Variants in C1orf21 observed in about 807,000 individuals in gnomAD.
The protein encoded by C1orf21 is uncharacterized protein C1orf21.
A neutral mutation model predicts 18.7 loss-of-function variants in C1orf21; 3 were observed. That is an observed-to-expected ratio of 0.16 (90% CI 0.07 to 0.42). The LOEUF (loss-of-function observed/expected upper bound fraction) is 0.42. Among genes scored for constraint, C1orf21 ranks in the 10% least tolerant of loss-of-function variants. C1orf21 has a pLI of 0.99. For missense variants in C1orf21, 104 were observed against 143.6 expected (o/e 0.72, Z 1.41); for synonymous variants, 41 against 46.4 (o/e 0.88, Z 0.47).
intron 1 of C1orf21, among the ~76,000 whole-genome samples, chr1:184,427,482 A>G (rs530505670): frequency 1.3e-5 from 2 of 152,168 alleles, no homozygotes; most frequent in South Asian, 4.2e-4. Flanking sequence ...TTTCAGGACC[A>G]GTGAGACAGT....
chr1:184,553,777 A>G lies in C1orf21; in HGVS notation c.190-36962A>G, dbSNP rs1011085565. Among the ~76,000 whole-genome samples the G allele has an allele frequency of 7.2e-5, 11 of 152,310 alleles. No homozygotes were observed. In the South Asian group the frequency reaches 1.5e-3, roughly 20 times the overall value. ...CCCCTCTACCAGAAGGTCTACCCCAATGGCAGAGTAGAAGAGAAAAGATCT... is the reference window on the plus strand; with the variant it reads ...CCCCTCTACCAGAAGGTCTACCCCAGTGGCAGAGTAGAAGAGAAAAGATCT... On this transcript the variant is annotated intron_variant, in intron 3 of 5. Transcript: ENST00000235307.
intron 5 of C1orf21, among the ~76,000 whole-genome samples, chr1:184,606,179 G>GA (rs1308149180): frequency 1.3e-5 from 2 of 152,210 alleles, no homozygotes; most frequent in Non-Finnish European, 2.9e-5. Flanking sequence ...TGAGTCAGTG[G>GA]CATGGATACA....
chr1:184,514,220 G>A (rs1309809203), intron 3 of C1orf21, among the ~76,000 whole-genome samples: 6 of 152,174 alleles, frequency 3.9e-5, no homozygotes, highest in Non-Finnish European at 5.9e-5. Flanking sequence ...CAGGAGGATC[G>A]CTTGAGCCCA....
At chr1:184,575,611 TAAAAAAAA>T (rs59167087) in intron 3 of C1orf21, among the ~76,000 whole-genome samples, 1 of 83,466 alleles carries the variant, frequency 1.2e-5, no homozygotes, top group Admixed American at 1.1e-4. Context: ...CACAAAAAGG[TAAAAAAAA>T]AAAAAAAAAA....
In C1orf21 at chr1:184,410,650, TA is replaced by T. The variant is rs1481276352; in HGVS notation, c.-125+23283del. 4.8e-3 allele frequency among the ~76,000 whole-genome samples: 32 copies of T among 6,664 alleles called. 5 individuals carry two copies. The highest frequency in any genetic ancestry group is 9.4e-3 in the South Asian group (2 of 212). 4.4% of individuals were successfully genotyped at this position (6,664 alleles called of 152,430 possible). On this transcript the variant is annotated intron_variant, in intron 1 of 5. Transcript: ENST00000235307. ...ATATATATATATATATATATATATA[TA>T]TATATATATATATTTTTTTTTTTTT... is the stretch of plus-strand genomic sequence containing the variant.
intron 3 of C1orf21, among the ~76,000 whole-genome samples, chr1:184,534,170 A>G (rs7518367): frequency 2.6e-5 from 4 of 152,204 alleles, no homozygotes; most frequent in Admixed American, 2.6e-4. Context: ...GTGCTTTTAC[A>G]GTCACTAGCT....
rs535097241 is a variant in C1orf21 at position 184,527,286 on chromosome 1, G to A, written c.189+19604G>A. ...GTGTGGCAGCTATGCTTAGAACAAG[G>A]AATACAGCAGTATACAAAATAGCAT... On this transcript the variant is annotated intron_variant, in intron 3 of 5. Transcript: ENST00000235307. Among the ~76,000 whole-genome samples the A allele has an allele frequency of 3.3e-5, 5 of 152,284 alleles. No homozygotes were observed. In the East Asian group the frequency reaches 9.6e-4, roughly 29 times the overall value.
chr1:184,528,573 G>T (rs1423832520), intron 3 of C1orf21, among the ~76,000 whole-genome samples: 2 of 151,910 alleles, frequency 1.3e-5, no homozygotes, highest in Non-Finnish European at 2.9e-5. Flanking sequence ...GCCTCCCGAG[G>T]TGCTGAGATT....
chr1:184,463,207 C>T (rs1246475712), intron 1 of C1orf21, among the ~76,000 whole-genome samples: 5 of 151,934 alleles, frequency 3.3e-5, no homozygotes, highest in Non-Finnish European at 5.9e-5. Context: ...TAATAAAAGT[C>T]AACTGATGCA....
chr1:184,534,876 T>A (rs1305267213), intron 3 of C1orf21, among the ~76,000 whole-genome samples: 5 of 151,672 alleles, frequency 3.3e-5, no homozygotes, highest in Non-Finnish European at 4.4e-5. Context: ...TTGGGGCGGG[T>A]GACAGCCCAG....
chr1:184,404,833 C>T (rs191587138), intron 1 of C1orf21, among the ~76,000 whole-genome samples: 2 of 152,142 alleles, frequency 1.3e-5, no homozygotes, highest in Admixed American at 6.5e-5. Flanking sequence ...CCTCGTGATG[C>T]GTCCTTTCAT....
chr1:184,606,434 G>T (rs934709409), intron 5 of C1orf21, among the ~76,000 whole-genome samples: 3 of 152,158 alleles, frequency 2.0e-5, no homozygotes, highest in African/African-American at 7.2e-5. Flanking sequence ...ATAAAAATTA[G>T]CCAGGTATGG....
chr1:184,497,437 AAAG>A (rs1339667724), intron 2 of C1orf21, among the ~76,000 whole-genome samples: 2 of 152,334 alleles, frequency 1.3e-5, no homozygotes, highest in South Asian at 2.1e-4. Context: ...GGTCAGAAGG[AAAG>A]AAGGAGAGGG....
chr1:184,434,964 C>T (rs1377777226), intron 1 of C1orf21, among the ~76,000 whole-genome samples: 2 of 152,200 alleles, frequency 1.3e-5, no homozygotes, highest in African/African-American at 4.8e-5. Flanking sequence ...AAAGATCACT[C>T]TCCCTGCTTA....
chr1:184,553,237 A>AG (rs1314014065), intron 3 of C1orf21, among the ~76,000 whole-genome samples: 1 of 152,248 alleles, frequency 6.6e-6, no homozygotes, highest in East Asian at 1.9e-4. Flanking sequence ...CGTAAGTCCA[A>AG]GGGGGGGAGA....
chr1:184,568,110 A>C (rs887763537), intron 3 of C1orf21, among the ~76,000 whole-genome samples: 1 of 152,176 alleles, frequency 6.6e-6, no homozygotes, highest in Admixed American at 6.5e-5. Context: ...TCTAGCCTAA[A>C]GTTTGAAGTG....
chr1:184,606,087 A>T (rs534242913), intron 5 of C1orf21, among the ~76,000 whole-genome samples: 1 of 152,378 alleles, frequency 6.6e-6, no homozygotes, highest in East Asian at 1.9e-4. Flanking sequence ...AAACATGTTC[A>T]GGAGTTAGAT....
At chr1:184,410,117 C>A (rs1182893404) in intron 1 of C1orf21, among the ~76,000 whole-genome samples, 1 of 151,968 alleles carries the variant, frequency 6.6e-6, no homozygotes, top group Non-Finnish European at 1.5e-5. Flanking sequence ...ACTTATTGTT[C>A]TGGCCAAAGA....
intron 1 of C1orf21, among the ~76,000 whole-genome samples, chr1:184,474,037 A>T (rs1223985267): frequency 6.6e-6 from 1 of 152,154 alleles, no homozygotes; most frequent in Non-Finnish European, 1.5e-5. Context: ...ATAGTAAAAA[A>T]CTTTCTTCAG....
Sources: gnomAD v4.1 joint callset for allele counts (sites outside exome capture counted in the v4.1 genomes callset) on GRCh38, gnomAD v4.1.1 for gene constraint, MANE v1.5 for transcripts, NCBI Gene and HGNC (gene_info 2026-07-23, HGNC 2026-07-21) for gene names.